The following GAD2 variants were observed in gnomAD, a reference collection of about 807,000 sequenced individuals.
GAD2 encodes glutamate decarboxylase 2.
GAD2 carries 22 observed loss-of-function variants against 80.1 expected under a neutral mutation model. The ratio of observed to expected loss-of-function variants is 0.27; its 90% confidence interval spans 0.20 to 0.39. The LOEUF (loss-of-function observed/expected upper bound fraction) is 0.39, where lower values mean the gene tolerates loss of function less well. Among genes scored for constraint, GAD2 ranks in the 10% least tolerant of loss-of-function variants. The pLI, the probability that GAD2 is intolerant of heterozygous loss-of-function variation, is 1.00. For missense variants in GAD2, 624 were observed against 738.4 expected (o/e 0.85, Z 1.80); for synonymous variants, 274 against 256.9 (o/e 1.07, Z -0.64).
At chr10:26,225,863 A>AT (rs946445713) in intron 6 of GAD2, among the ~76,000 whole-genome samples, 28 of 152,172 alleles carry the variant, frequency 1.8e-4, no homozygotes, top group Non-Finnish European at 3.7e-4. Flanking sequence ...GCTAGCCTTT[A>AT]TTTTTTATGG....
At chr10:26,298,707 A>C (rs1487019397) in intron 15 of GAD2, among the ~76,000 whole-genome samples, 1 of 152,208 alleles carries the variant, frequency 6.6e-6, no homozygotes, top group Non-Finnish European at 1.5e-5. Context: ...TATACAAATA[A>C]AACTAAGGAA....
chr10:26,247,112 G>A (rs1844819276), intron 8 of GAD2, among the ~76,000 whole-genome samples: 2 of 152,230 alleles, frequency 1.3e-5, no homozygotes, highest in Non-Finnish European at 2.9e-5. Flanking sequence ...CTACTTCATA[G>A]ACAGAGCAGC....
intron 7 of GAD2, among the ~76,000 whole-genome samples, chr10:26,245,669 C>A (rs1186153010): frequency 6.6e-6 from 1 of 152,042 alleles, no homozygotes; most frequent in African/African-American, 2.4e-5. Flanking sequence ...GTCTCAAACT[C>A]CTGACCTTGT....
At position 26,217,062 on chromosome 10, in the gene GAD2, C is replaced by T. The variant is rs763149001; in HGVS notation, c.76+177C>T. On this transcript the variant is annotated intron_variant, in intron 1 of 15. Transcript: ENST00000376261. This position sits in a 1 kb window ranked among gnomAD's most constrained non-coding sequence, Gnocchi z 4.9. ...CAAGAGCTCAAGACCTCTACAGCCT[C>T]TTGTACCCTGGGAAGACGCCCAAAT... Among the ~76,000 whole-genome samples, 2 of 152,064 alleles carry T rather than the reference C, an allele frequency of 1.3e-5. No homozygotes were observed. The highest frequency in any genetic ancestry group is 2.9e-5 in the Non-Finnish European group (2 of 68,018).
rs1238449128 is a variant in GAD2 at position 26,217,749 on chromosome 10, G to T, written c.136+80G>T. ...TTCTCACCTCCGCATCCCAGTCAGC[G>T]GAGTCGGGGTTTCCTGGCTGCGGGT... On this transcript the variant is annotated intron_variant, in intron 2 of 15. Coordinates refer to ENST00000376261, the MANE Select transcript of GAD2 (RefSeq NM_001134366.2). This position sits in a 1 kb window ranked among gnomAD's most constrained non-coding sequence, Gnocchi z 4.9. 6.3e-7 allele frequency: 1 copy of T among 1,587,014 alleles called. No individual in the cohort carries two copies. Among genetic ancestry groups the T allele is most frequent in the South Asian group, 1.1e-5 (1 of 88,452 alleles).
At chr10:26,274,290 A>G (rs1845172957) in intron 11 of GAD2, among the ~76,000 whole-genome samples, 1 of 152,232 alleles carries the variant, frequency 6.6e-6, no homozygotes, top group African/African-American at 2.4e-5. Context: ...CCTTTTATTT[A>G]GAGCCTACGC....
Position 26,281,138 on chromosome 10 carries a change from C to A in GAD2, c.1236+51C>A, listed in dbSNP as rs759161554. The A allele has an allele frequency of 6.9e-6, 9 of 1,309,808 alleles. No individual in the cohort carries two copies. The Admixed American group carries it at 1.4e-4, about 20-fold the overall frequency. 81.1% of individuals were successfully genotyped at this position (1,309,808 alleles called of 1,614,324 possible). The stretch of plus-strand genomic sequence containing the variant: ...CAGTCCGTGCGTGGGCTTTGACTGT[C>A]TTTATGCGGTTGACTTTCTCTGGAA... On this transcript the variant is annotated intron_variant, in intron 12 of 15. Coordinates refer to ENST00000376261, the MANE Select transcript of GAD2 (RefSeq NM_001134366.2).
Position 26,301,209 on chromosome 10 carries a change from T to C in GAD2, c.*248T>C. The C allele has an allele frequency of 2.4e-6, 1 of 415,312 alleles. No homozygotes were observed. Among genetic ancestry groups the C allele is most frequent in the East Asian group, 4.3e-5 (1 of 23,330 alleles). 25.7% of individuals were successfully genotyped at this position (415,312 alleles called of 1,614,324 possible). ...TCAATAAGGAAAAGCTTAAAATTGTTATAAATACTTCCCTTACTTTTAATA... is the reference window on the plus strand; with the variant it reads ...TCAATAAGGAAAAGCTTAAAATTGTCATAAATACTTCCCTTACTTTTAATA... On this transcript the variant is annotated 3_prime_UTR_variant, in exon 16 of 16. Transcript: ENST00000376261.
chr10:26,286,606 A>G, intron 13 of GAD2, 112 bp downstream of exon 13: 3 of 1,136,858 alleles, frequency 2.6e-6, no homozygotes, highest in South Asian at 3.7e-5. Context: ...CTTACCCAAG[A>G]TTTGCTTTCT....
In GAD2 at chr10:26,292,917, G is replaced by A. The variant is rs1834232396; in HGVS notation, c.1510G>A (p.Val504Ile). 1.9e-6 allele frequency: 3 copies of A among 1,613,962 alleles called. No individual in the cohort carries two copies. Among genetic ancestry groups the A allele is most frequent in the African/African-American group, 1.3e-5 (1 of 75,048 alleles). ...CTCTTTGTAGCCTCAGCACACAAAT[G>A]TCTGCTTCTGGTACATTCCTCCAAG... ...VFDGKPQHTN[V>I]CFWYIPPSLR... The change falls in exon 15 of 16, where the codon GTC becomes ATC. Residue 504 changes from valine to isoleucine, a missense_variant. Val to Ile is a conservative substitution (Grantham distance 29, BLOSUM62 3). Coordinates refer to ENST00000376261, the MANE Select transcript of GAD2 (RefSeq NM_001134366.2).
intron 11 of GAD2, among the ~76,000 whole-genome samples, chr10:26,277,669 C>G (rs891696919): frequency 2.0e-5 from 3 of 151,892 alleles, no homozygotes; most frequent in Admixed American, 1.3e-4. Flanking sequence ...AGTGGATGGA[C>G]CTAGGAGAGG....
At chr10:26,275,837 C>T (rs1845194481) in intron 11 of GAD2, among the ~76,000 whole-genome samples, 2 of 152,184 alleles carry the variant, frequency 1.3e-5, no homozygotes, top group African/African-American at 4.8e-5. Flanking sequence ...TTAGTAGTCA[C>T]AGAGGATCCT....
chr10:26,295,752 A>G (rs1834267369), intron 15 of GAD2, among the ~76,000 whole-genome samples: 1 of 152,214 alleles, frequency 6.6e-6, no homozygotes, highest in Non-Finnish European at 1.5e-5. Context: ...GATATAGAAC[A>G]TCTCCATCAC....
intron 8 of GAD2, among the ~76,000 whole-genome samples, chr10:26,259,995 T>G (rs1295808692): frequency 6.6e-6 from 1 of 152,212 alleles, no homozygotes; most frequent in East Asian, 1.9e-4. Context: ...AGAACCTAGA[T>G]ATAATCTGTC....
intron 11 of GAD2, among the ~76,000 whole-genome samples, chr10:26,274,346 T>C (rs1186319615): frequency 6.6e-6 from 1 of 152,218 alleles, no homozygotes. Context: ...CAGTGATATC[T>C]GATTGGCATA....
chr10:26,217,480 C>A lies in GAD2; in HGVS notation c.77-130C>A. On this transcript the variant is annotated intron_variant, in intron 1 of 15. Coordinates refer to ENST00000376261, the MANE Select transcript of GAD2 (RefSeq NM_001134366.2). The surrounding 1 kb of genome is among the most constrained non-coding windows in gnomAD (Gnocchi z 4.9). Reference sequence around the variant, plus strand: ...CCTGCCGGCCTCACCGAGTCCTGAGCGGCCCCCAGGAGGAAGGCGGCCCCT... The same window carrying A: ...CCTGCCGGCCTCACCGAGTCCTGAGAGGCCCCCAGGAGGAAGGCGGCCCCT... The A allele has an allele frequency of 1.1e-6, 1 of 923,364 alleles. No individual in the cohort carries two copies. The highest frequency in any genetic ancestry group is 1.7e-6 in the Non-Finnish European group (1 of 584,914). The allele number at this position is 923,364 out of a possible 1,614,324, so 57.2% of individuals were successfully genotyped here.
At chr10:26,229,534 A>T in intron 6 of GAD2, 128 bp from the exon 7 acceptor site, 1 of 655,132 alleles carries the variant, frequency 1.5e-6, no homozygotes, top group Non-Finnish European at 2.7e-6. Flanking sequence ...GATTCAGTTT[A>T]AAGATAGTCA....
At chr10:26,271,411 G>T (rs891816464) in intron 10 of GAD2, among the ~76,000 whole-genome samples, 1 of 152,140 alleles carries the variant, frequency 6.6e-6, no homozygotes, top group Non-Finnish European at 1.5e-5. Context: ...AGGACCGAAG[G>T]GATTTAAGTT....
intron 8 of GAD2, among the ~76,000 whole-genome samples, chr10:26,249,647 A>G (rs1344611205): frequency 3.3e-5 from 5 of 152,048 alleles, no homozygotes; most frequent in Non-Finnish European, 7.4e-5. Flanking sequence ...TCTTCAAAGC[A>G]TCGGCATCAC....
Sources: gnomAD v4.1 joint callset for allele counts (sites outside exome capture counted in the v4.1 genomes callset) on GRCh38, gnomAD v4.1.1 for gene constraint, Gnocchi (gnomAD v3.1) non-coding constraint, MANE v1.5 for transcripts, NCBI Gene and HGNC (gene_info 2026-07-23, HGNC 2026-07-21) for gene names.